Variants in MAP3K20 observed in about 807,000 individuals in gnomAD.
MAP3K20 encodes the protein HCCS-4.
MAP3K20 carries 40 observed loss-of-function variants against 85.7 expected under a neutral mutation model. The observed-to-expected ratio is 0.47, with a 90% CI of 0.36 to 0.61. MAP3K20 has a LOEUF of 0.61. Ranked by LOEUF, MAP3K20 falls within the 20% of genes least tolerant of loss-of-function variation. MAP3K20 has a pLI of 0.00. For missense variants in MAP3K20, 817 were observed against 961.7 expected (o/e 0.85, Z 1.99); for synonymous variants, 325 against 327.7 (o/e 0.99, Z 0.09).
intron 2 of MAP3K20, among the ~76,000 whole-genome samples, chr2:173,134,420 A>ATTTTTTTT (rs1559246094): frequency 1.1e-3 from 7 of 6,148 alleles, no homozygotes; most frequent in Non-Finnish European, 1.7e-3. Context: ...ATATATATAT[A>ATTTTTTTT]TATATATATT....
At chr2:173,261,621 A>G (rs1202136474) in intron 18 of MAP3K20, among the ~76,000 whole-genome samples, 2 of 152,214 alleles carry the variant, frequency 1.3e-5, no homozygotes, top group Admixed American at 6.5e-5. Flanking sequence ...TCATTCATCA[A>G]TTCATTCATT....
chr2:173,208,865 ATCTTTC>A (rs1683780367), intron 9 of MAP3K20, among the ~76,000 whole-genome samples: 2 of 152,190 alleles, frequency 1.3e-5, no homozygotes, highest in Admixed American at 1.3e-4. Context: ...CCTTTTTATT[ATCTTTC>A]TCTTTTTGTT....
intron 2 of MAP3K20, among the ~76,000 whole-genome samples, chr2:173,127,031 T>C (rs1688465146): frequency 6.6e-6 from 1 of 152,196 alleles, no homozygotes; most frequent in Non-Finnish European, 1.5e-5. Context: ...TCTTCAAACA[T>C]ACAACAGGAA....
At chr2:173,106,356 C>T (rs1027613672) in intron 2 of MAP3K20, among the ~76,000 whole-genome samples, 3 of 151,856 alleles carry the variant, frequency 2.0e-5, no homozygotes, top group Non-Finnish European at 4.4e-5. Flanking sequence ...CTAGTGGAAC[C>T]GAACAGAGAG....
At chr2:173,178,775 GAA>G (rs1245444008) in intron 3 of MAP3K20, among the ~76,000 whole-genome samples, 1 of 152,096 alleles carries the variant, frequency 6.6e-6, no homozygotes, top group East Asian at 1.9e-4. Flanking sequence ...TACTCTTTCA[GAA>G]AATAGATGCC....
chr2:173,104,242 G>A (rs1183206046), intron 2 of MAP3K20, among the ~76,000 whole-genome samples: 3 of 152,176 alleles, frequency 2.0e-5, no homozygotes, highest in Non-Finnish European at 2.9e-5. Context: ...GGTTGATAAC[G>A]TGTATCCCAC....
chr2:173,222,212 CAAAA>C (rs35570890), intron 11 of MAP3K20: 8 of 980,664 alleles, frequency 8.2e-6, no homozygotes, highest in Non-Finnish European at 9.7e-6. Flanking sequence ...TCTCAAAAAA[CAAAA>C]AAAAGAAAGA....
intron 17 of MAP3K20, among the ~76,000 whole-genome samples, chr2:173,260,298 G>C (rs530260525): frequency 5.3e-5 from 8 of 152,146 alleles, no homozygotes; most frequent in Non-Finnish European, 7.4e-5. Context: ...AACCCAGGAG[G>C]AAGAGGTTGC....
chr2:173,224,016 T>G (rs1684321448), intron 11 of MAP3K20: 1 of 983,958 alleles, frequency 1.0e-6, no homozygotes, highest in Non-Finnish European at 1.2e-6. Flanking sequence ...TGCCAGACAC[T>G]GTTCTGGAAG....
intron 1 of MAP3K20, among the ~76,000 whole-genome samples, chr2:173,085,785 T>TTTTTC: frequency 7.6e-5 from 1 of 13,136 alleles, no homozygotes; most frequent in African/African-American, 3.8e-4. Flanking sequence ...GTAAAAGCAA[T>TTTTTC]TTTTTTTTTT....
intron 2 of MAP3K20, among the ~76,000 whole-genome samples, chr2:173,113,863 G>A (rs1688044403): frequency 6.6e-6 from 1 of 151,914 alleles, no homozygotes; most frequent in Non-Finnish European, 1.5e-5. Context: ...GTGTATTTTG[G>A]GGCTGTTGGA....
chr2:173,120,206 A>G (rs554265770), intron 2 of MAP3K20, among the ~76,000 whole-genome samples: 103 of 152,128 alleles, frequency 6.8e-4, no homozygotes, highest in South Asian at 1.2e-3. Flanking sequence ...TTCTATATAT[A>G]TTTTTTTCAC....
chr2:173,098,176 A>G (rs1687518076), intron 2 of MAP3K20, among the ~76,000 whole-genome samples: 1 of 152,230 alleles, frequency 6.6e-6, no homozygotes, highest in Non-Finnish European at 1.5e-5. Context: ...ATATTTGACA[A>G]TCGCTATTGA....
chr2:173,168,539 C>G (rs180821668), intron 2 of MAP3K20, among the ~76,000 whole-genome samples: 34 of 152,286 alleles, frequency 2.2e-4, no homozygotes, highest in Non-Finnish European at 4.7e-4. Flanking sequence ...TAGCAAATAA[C>G]ACTAATTCAT....
intron 9 of MAP3K20, among the ~76,000 whole-genome samples, chr2:173,208,723 G>A (rs1249395371): frequency 6.6e-6 from 1 of 152,152 alleles, no homozygotes; most frequent in African/African-American, 2.4e-5. Context: ...AATCCTGAGA[G>A]CAAGCCACCT....
At chr2:173,195,577 T>G (rs2106280846) in intron 7 of MAP3K20, among the ~76,000 whole-genome samples, 1 of 152,348 alleles carries the variant, frequency 6.6e-6, no homozygotes, top group South Asian at 2.1e-4. Context: ...TTAATATATT[T>G]TTAGACCTCC....
chr2:173,257,859 T>G (rs1017799355), intron 16 of MAP3K20, among the ~76,000 whole-genome samples: 1 of 152,196 alleles, frequency 6.6e-6, no homozygotes, highest in Non-Finnish European at 1.5e-5. Context: ...GATGGGTGTA[T>G]AGTGGTACCT....
chr2:173,192,654 T>C (rs988248530), intron 7 of MAP3K20, among the ~76,000 whole-genome samples: 1 of 152,234 alleles, frequency 6.6e-6, no homozygotes, highest in Non-Finnish European at 1.5e-5. Context: ...TGTCAAATGT[T>C]ACTACATTCT....
intron 11 of MAP3K20, chr2:173,221,963 CTTT>C: frequency 1.3e-5 from 13 of 982,786 alleles, no homozygotes; most frequent in Non-Finnish European, 1.6e-5. Flanking sequence ...CTGTGACATA[CTTT>C]TTTTTTCTTA....
Sources: gnomAD v4.1 joint callset for allele counts (sites outside exome capture counted in the v4.1 genomes callset) on GRCh38, gnomAD v4.1.1 for gene constraint, MANE v1.5 for transcripts, NCBI Gene and HGNC (gene_info 2026-07-23, HGNC 2026-07-21) for gene names.